SNX29: variants seen among roughly 807,000 people sequenced by gnomAD.
The protein encoded by SNX29 is sorting nexin-29.
Under a neutral mutation model 102.1 loss-of-function variants are expected in SNX29, and 78 were observed. That is an observed-to-expected ratio of 0.76 (90% confidence interval 0.64 to 0.92). SNX29 has a LOEUF of 0.92. SNX29 is among the 40% of genes least tolerant of loss of function. The pLI is 0.00. For missense variants in SNX29, 1,280 were observed against 1,061.7 expected (o/e 1.21, Z -2.86); for synonymous variants, 580 against 414.5 (o/e 1.40, Z -4.85).
chr16:12,555,947 C>T (rs117292195), intron 20 of SNX29, among the ~76,000 whole-genome samples: 12 of 152,138 alleles, frequency 7.9e-5, no homozygotes, highest in Admixed American at 6.5e-4. Context: ...TTACATCACA[C>T]CAACTTGTAA....
intron 18 of SNX29, among the ~76,000 whole-genome samples, chr16:12,448,693 T>C (rs1292161473): frequency 6.6e-6 from 1 of 152,176 alleles, no homozygotes; most frequent in Non-Finnish European, 1.5e-5. Flanking sequence ...CCCTGCTAAT[T>C]ATGGGAGTGG....
At chr16:12,415,848 T>C (rs1379333074) in intron 18 of SNX29, among the ~76,000 whole-genome samples, 1 of 152,124 alleles carries the variant, frequency 6.6e-6, no homozygotes, top group African/African-American at 2.4e-5. Context: ...AAAATAGTTA[T>C]ATTTATTTTT....
In SNX29 at chr16:12,518,895, T is replaced by A. The variant is rs561129958; in HGVS notation, c.2179-5807T>A. On this transcript the variant is annotated intron_variant, in intron 19 of 20. Coordinates refer to ENST00000566228, the MANE Select transcript of SNX29 (RefSeq NM_032167.5). ...AGGTCTCTGACAGCCTCAGGGAATG[T>A]CACCTTGTGATGTGAAGTAGATGCA... Among the ~76,000 whole-genome samples, 18 of 152,314 alleles carry A rather than the reference T, an allele frequency of 1.2e-4. No homozygotes were observed. In the South Asian group the frequency reaches 3.5e-3, roughly 30 times the overall value.
intron 20 of SNX29, among the ~76,000 whole-genome samples, chr16:12,535,864 G>C (rs535607101): frequency 6.6e-6 from 1 of 152,138 alleles, no homozygotes; most frequent in African/African-American, 2.4e-5. Context: ...AGCCCTATTG[G>C]TGCTGTCCAA....
At chr16:12,547,928 C>T (rs922729525) in intron 20 of SNX29, among the ~76,000 whole-genome samples, 3 of 152,108 alleles carry the variant, frequency 2.0e-5, no homozygotes. Flanking sequence ...TCAGGGATAC[C>T]TCAATTCCCA....
At position 12,547,195 on chromosome 16, in the gene SNX29, G is replaced by C. The variant is rs78491610; in HGVS notation, c.2319-21311G>C. Among the ~76,000 whole-genome samples the C allele has an allele frequency of 4.6e-5, 7 of 152,342 alleles. No individual in the cohort carries two copies. In the East Asian group the frequency reaches 1.3e-3, roughly 29 times the overall value. On this transcript the variant is annotated intron_variant, in intron 20 of 20. Transcript: ENST00000566228. The stretch of plus-strand genomic sequence containing the variant: ...ATGGTCTAGGAAGATGACAGGGATA[G>C]TTTGACCCGAAGTGGAGACCTGAGG...
At chr16:12,220,082 C>T (rs372375131) in intron 14 of SNX29, among the ~76,000 whole-genome samples, 16 of 152,234 alleles carry the variant, frequency 1.1e-4, no homozygotes, top group South Asian at 2.1e-4. Flanking sequence ...GGGTCTCTTG[C>T]GACCTGCAGC....
chr16:12,019,396 A>G (rs1389528386), intron 3 of SNX29, among the ~76,000 whole-genome samples: 1 of 151,718 alleles, frequency 6.6e-6, no homozygotes, highest in South Asian at 2.1e-4. Flanking sequence ...TAGTGGAGAC[A>G]GGGTTTCACT....
At chr16:12,212,729 T>C (rs917141411) in intron 14 of SNX29, among the ~76,000 whole-genome samples, 1 of 152,382 alleles carries the variant, frequency 6.6e-6, no homozygotes, top group South Asian at 2.1e-4. Flanking sequence ...TTGTAGATTC[T>C]GGGTATTAAC....
chr16:12,375,053 A>C (rs1310239576), intron 16 of SNX29: 1 of 152,154 alleles, frequency 6.6e-6, no homozygotes, highest in Non-Finnish European at 1.5e-5. Context: ...CCTGTCTTAA[A>C]AAAAAATGCA....
chr16:12,504,039 G>A (rs568418355), intron 19 of SNX29, among the ~76,000 whole-genome samples: 1 of 152,132 alleles, frequency 6.6e-6, no homozygotes, highest in Non-Finnish European at 1.5e-5. Context: ...CCACTTGGTA[G>A]TCACCCCATC....
Position 12,529,732 on chromosome 16 carries a change from T to G in SNX29, c.2318+4891T>G, listed in dbSNP as rs117430860. On this transcript the variant is annotated intron_variant, in intron 20 of 20. Coordinates refer to ENST00000566228, the MANE Select transcript of SNX29 (RefSeq NM_032167.5). ...AGGGTTGTGAAATATATCCATTTTT[T>G]GCTGAAATATGAGCTGCCTTGTTCT... 8.1e-4 allele frequency among the ~76,000 whole-genome samples: 124 copies of G among 152,240 alleles called. 2 individuals carry two copies. In the East Asian group the frequency reaches 0.02, roughly 24 times the overall value.
intron 8 of SNX29, among the ~76,000 whole-genome samples, chr16:12,058,810 T>TGG (rs1567168372): frequency 5.5e-5 from 8 of 144,556 alleles, no homozygotes; most frequent in Non-Finnish European, 1.1e-4. Flanking sequence ...TTTTTTTTTT[T>TGG]TTTTTTTTTT....
At position 12,107,654 on chromosome 16, in the gene SNX29, CAAAAA is replaced by C. The variant is rs540608506; in HGVS notation, c.1403-18975_1403-18971del. Among the ~76,000 whole-genome samples, 304 of 151,480 alleles carry C rather than the reference CAAAAA, an allele frequency of 2.0e-3. 1 individual carries two copies. The highest frequency in any genetic ancestry group is 6.8e-3 in the African/African-American group (282 of 41,318). On this transcript the variant is annotated intron_variant, in intron 11 of 20. Transcript: ENST00000566228. ...CTGCCTCAAAAAACAAAAACAAAAA[CAAAAA>C]AAAGAGGAGTTGCTGGTTATGTGGA...
intron 20 of SNX29, among the ~76,000 whole-genome samples, chr16:12,534,442 A>G (rs1185686424): frequency 6.6e-6 from 1 of 152,194 alleles, no homozygotes; most frequent in African/African-American, 2.4e-5. Flanking sequence ...TTGCCTGTAG[A>G]AAGAACGCAG....
intron 14 of SNX29, among the ~76,000 whole-genome samples, chr16:12,206,008 C>T (rs2077035345): frequency 6.6e-6 from 1 of 152,210 alleles, no homozygotes. Flanking sequence ...TGGACAAATT[C>T]ATAGACCTTT....
At chr16:12,138,056 C>A (rs1203736386) in intron 13 of SNX29, among the ~76,000 whole-genome samples, 1 of 152,210 alleles carries the variant, frequency 6.6e-6, no homozygotes, top group South Asian at 2.1e-4. Flanking sequence ...GTCTGCCATG[C>A]CCATGGGAAG....
rs959281053 is a variant in SNX29, at chr16:12,568,805, A to C, written c.*176A>C. 9.7e-7 allele frequency: 1 copy of C among 1,026,024 alleles called. No homozygotes were observed. The highest frequency in any genetic ancestry group is 1.4e-6 in the Non-Finnish European group (1 of 726,056). 63.6% of individuals were successfully genotyped at this position (1,026,024 alleles called of 1,614,324 possible). ...TTAAACTAATCAGTCTTCGAGCCGC[A>C]TGATACCGTGACCCGAGAGACCAAG... On this transcript the variant is annotated 3_prime_UTR_variant, in exon 21 of 21. Coordinates refer to ENST00000566228, the MANE Select transcript of SNX29 (RefSeq NM_032167.5).
chr16:12,181,781 G>T (rs1023377532), intron 13 of SNX29, among the ~76,000 whole-genome samples: 2 of 152,102 alleles, frequency 1.3e-5, no homozygotes, highest in African/African-American at 2.4e-5. Flanking sequence ...ATACCATGTA[G>T]GCCTTGTGGC....
Sources: allele counts gnomAD v4.1 joint callset (sites outside exome capture counted in the v4.1 genomes callset), GRCh38; gene constraint gnomAD v4.1.1; transcripts MANE v1.5; gene names NCBI Gene and HGNC (gene_info 2026-07-23, HGNC 2026-07-21).